The following AFF3 variants were observed in gnomAD, a reference collection of about 807,000 sequenced individuals.
AFF3 encodes AF4/FMR2 family member 3.
A neutral mutation model predicts 129.7 loss-of-function variants in AFF3; 32 were observed. The observed-to-expected ratio is 0.25, with a 90% CI of 0.19 to 0.33. The LOEUF (loss-of-function observed/expected upper bound fraction) is 0.33, where lower values mean the gene tolerates loss of function less well. AFF3 is among the 10% of genes least tolerant of loss of function. The pLI, the probability that AFF3 is intolerant of heterozygous loss-of-function variation, is 1.00. For synonymous variants in AFF3, 644 were observed against 635.4 expected (o/e 1.01, Z -0.20); for missense variants, 1,373 against 1,592.0 (o/e 0.86, Z 2.34).
rs1315095080 is a variant in AFF3 at position 99,550,339 on chromosome 2, GC to G, written c.*1134del. 1.3e-5 allele frequency: 3 copies of G among 230,330 alleles called. No homozygotes were observed. The highest frequency in any genetic ancestry group is 6.6e-5 in the African/African-American group (3 of 45,126). The allele number at this position is 230,330 out of a possible 1,614,324, so 14.3% of individuals were successfully genotyped here. ...CCTGCTAATCAAAGCCTGAAAAATC[GC>G]CCCCAAATCAAAACGCATCAAAGGG... On this transcript the variant is annotated 3_prime_UTR_variant, in exon 25 of 25. Coordinates refer to ENST00000672756, the MANE Select transcript of AFF3 (RefSeq NM_001386135.1).
chr2:99,917,453 C>G (rs780471866), intron 7 of AFF3, among the ~76,000 whole-genome samples: 18 of 152,162 alleles, frequency 1.2e-4, no homozygotes, highest in Non-Finnish European at 2.4e-4. Flanking sequence ...ACACTTATAA[C>G]AGGGAATGTG....
chr2:99,577,768 C>T (rs940574041), intron 18 of AFF3, among the ~76,000 whole-genome samples: 1 of 152,146 alleles, frequency 6.6e-6, no homozygotes, highest in African/African-American at 2.4e-5. Context: ...TATTCATCTT[C>T]TCCTCTTGTT....
intron 12 of AFF3, among the ~76,000 whole-genome samples, chr2:99,654,596 T>C (rs1685576481): frequency 6.6e-6 from 1 of 152,236 alleles, no homozygotes; most frequent in African/African-American, 2.4e-5. Flanking sequence ...ACTATATTTT[T>C]CTCTTCCTAA....
At chr2:100,043,474 A>G (rs1685597628) in intron 4 of AFF3, among the ~76,000 whole-genome samples, 1 of 152,228 alleles carries the variant, frequency 6.6e-6, no homozygotes, top group Non-Finnish European at 1.5e-5. Flanking sequence ...GTCTGAGGCC[A>G]TGCAAAATGA....
intron 7 of AFF3, among the ~76,000 whole-genome samples, chr2:99,957,182 CGTGT>C (rs144873522): frequency 4.6e-4 from 69 of 150,638 alleles, no homozygotes; most frequent in East Asian, 1.2e-3. Context: ...TGTGTGTGTG[CGTGT>C]GTGTGTGTGC....
chr2:100,117,623 G>A (rs138038959), intron 2 of AFF3, among the ~76,000 whole-genome samples: 1 of 152,264 alleles, frequency 6.6e-6, no homozygotes, highest in Non-Finnish European at 1.5e-5. Flanking sequence ...TCTCCTATCT[G>A]TTGTTTCTGC....
chr2:99,780,321 T>C lies in AFF3; in HGVS notation c.922-28020A>G, dbSNP rs558620363. Among the ~76,000 whole-genome samples the C allele has an allele frequency of 3.6e-4, 55 of 152,268 alleles. 1 individual carries two copies. The highest frequency in any genetic ancestry group is 1.3e-3 in the African/African-American group (54 of 41,544). On this transcript the variant is annotated intron_variant, in intron 8 of 24. Transcript: ENST00000672756. ...AGCGCTCTGTCTGAGTAAATAATTC[T>C]CTCCTAGATGGATCACTTTCCTCCT...
At chr2:99,594,315 C>CA in intron 14 of AFF3, 26 bp from the exon 15 acceptor site, 1 of 1,579,630 alleles carries the variant, frequency 6.3e-7, no homozygotes, top group South Asian at 1.2e-5. Flanking sequence ...CGGTGACAAA[C>CA]AAAACATCTT....
At chr2:100,123,339 C>CT (rs1288682200) in intron 2 of AFF3, among the ~76,000 whole-genome samples, 2 of 152,124 alleles carry the variant, frequency 1.3e-5, no homozygotes, top group Non-Finnish European at 2.9e-5. Context: ...CAAACAATGT[C>CT]TTGTTACATA....
chr2:99,757,238 G>C (rs1384895969), intron 8 of AFF3, among the ~76,000 whole-genome samples: 3 of 152,140 alleles, frequency 2.0e-5, no homozygotes, highest in Non-Finnish European at 4.4e-5. Context: ...GGTCTAACGT[G>C]CCCACTCTAG....
chr2:99,606,285 A>AT (rs1297160255), intron 13 of AFF3, among the ~76,000 whole-genome samples: 2 of 152,056 alleles, frequency 1.3e-5, no homozygotes, highest in East Asian at 1.9e-4. Flanking sequence ...ATTATAGTGG[A>AT]TTTTTTCCTG....
chr2:99,700,047 A>T (rs1676691014), intron 11 of AFF3, among the ~76,000 whole-genome samples: 1 of 152,186 alleles, frequency 6.6e-6, no homozygotes, highest in South Asian at 2.1e-4. Flanking sequence ...TGTTTTGGGC[A>T]GTATCTACTC....
chr2:100,020,980 C>A (rs1236985550), intron 4 of AFF3, among the ~76,000 whole-genome samples: 2 of 152,210 alleles, frequency 1.3e-5, no homozygotes, highest in African/African-American at 4.8e-5. Flanking sequence ...CTCATCTGCT[C>A]AAGGTCAGCT....
intron 4 of AFF3, among the ~76,000 whole-genome samples, chr2:100,039,042 T>C (rs1685210836): frequency 1.3e-5 from 2 of 152,160 alleles, no homozygotes; most frequent in South Asian, 4.1e-4. Context: ...TCTTTATAGT[T>C]TTTCTACTTT....
At position 99,677,195 on chromosome 2, in the gene AFF3, TGGAGGTCAA is replaced by T. The variant is rs968283787; in HGVS notation, c.1092-4615_1092-4607del. 1.6e-4 allele frequency among the ~76,000 whole-genome samples: 23 copies of T among 144,144 alleles called. 1 individual carries two copies. The highest frequency in any genetic ancestry group is 5.5e-4 in the African/African-American group (21 of 38,458). 94.6% of individuals were successfully genotyped at this position (144,144 alleles called of 152,430 possible). A position where few individuals can be genotyped will look rare whatever the true frequency, so the allele number is the denominator to read the frequency against. Reference sequence around the variant, plus strand: ...TGAGGTAGGAGGATCACCTGAGCCCTGGAGGTCAAGGCTAGAGTGAGCCGAGGTTGTACC... The same window carrying T: ...TGAGGTAGGAGGATCACCTGAGCCCTGGCTAGAGTGAGCCGAGGTTGTACC... On this transcript the variant is annotated intron_variant, in intron 11 of 24. Transcript: ENST00000672756.
At chr2:99,856,808 T>A (rs534095219) in intron 7 of AFF3, among the ~76,000 whole-genome samples, 13 of 152,168 alleles carry the variant, frequency 8.5e-5, no homozygotes, top group Non-Finnish European at 1.9e-4. Context: ...TTAAATTATA[T>A]ATAAGTATGT....
chr2:99,801,155 G>T (rs532485684), intron 8 of AFF3, among the ~76,000 whole-genome samples: 18 of 152,238 alleles, frequency 1.2e-4, no homozygotes, highest in Admixed American at 3.3e-4. Flanking sequence ...TCTCAATAAA[G>T]AAATGTGAAA....
At chr2:99,583,144 G>C (rs900232362) in intron 16 of AFF3, 145 bp from the exon 17 acceptor site, 46 of 662,068 alleles carry the variant, frequency 6.9e-5, no homozygotes, top group Non-Finnish European at 2.3e-5. Flanking sequence ...CAAGTTAATG[G>C]CATTAGGATC....
chr2:100,030,066 A>AAATAATAATAAT (rs70940193), intron 4 of AFF3, among the ~76,000 whole-genome samples: 246 of 147,842 alleles, frequency 1.7e-3, no homozygotes, highest in African/African-American at 5.9e-3. Flanking sequence ...GACTGTCTCA[A>AAATAATAATAAT]AATAATAATA....
Sources: allele counts gnomAD v4.1 joint callset (sites outside exome capture counted in the v4.1 genomes callset), GRCh38; gene constraint gnomAD v4.1.1; transcripts MANE v1.5; gene names NCBI Gene and HGNC (gene_info 2026-07-23, HGNC 2026-07-21).